GRIK2: variants seen among roughly 807,000 people sequenced by gnomAD.
GRIK2 encodes glutamate ionotropic receptor kainate type subunit 2, also known as glutamate receptor ionotropic, kainate 2.
In GRIK2, 32 loss-of-function variants were observed where a neutral mutation model predicts 100.3. That is an observed-to-expected ratio of 0.32 (90% CI 0.24 to 0.43). The LOEUF (loss-of-function observed/expected upper bound fraction) is 0.43. Ranked by LOEUF, GRIK2 falls within the 20% of genes least tolerant of loss-of-function variation. The probability of loss-of-function intolerance (pLI) is 1.00; values close to 1 mark genes in which losing one functional copy is unlikely to be tolerated. For synonymous variants in GRIK2, 417 were observed against 389.4 expected (o/e 1.07, Z -0.83); for missense variants, 843 against 1,114.9 (o/e 0.76, Z 3.47).
rs147308800 is a variant in GRIK2, at chr6:101,843,395, C to A, written c.1318-15892C>A. Among the ~76,000 whole-genome samples, 536 of 152,304 alleles carry A rather than the reference C, an allele frequency of 3.5e-3. 1 individual carries two copies. The highest frequency in any genetic ancestry group is 7.7e-3 in the South Asian group (37 of 4,834). On this transcript the variant is annotated intron_variant, in intron 10 of 16. Coordinates refer to ENST00000369134, the MANE Select transcript of GRIK2 (RefSeq NM_021956.5). ...AGTCCTACAGAACTATTTATACTTT[C>A]CATCATCCACATGAGTCATTTTCCC...
At chr6:101,628,747 A>G (rs933026525) in intron 4 of GRIK2, among the ~76,000 whole-genome samples, 9 of 152,106 alleles carry the variant, frequency 5.9e-5, no homozygotes, top group African/African-American at 2.2e-4. Flanking sequence ...TCCAAACATC[A>G]TATATCCTTA....
At chr6:101,502,308 T>A (rs966006076) in intron 2 of GRIK2, among the ~76,000 whole-genome samples, 3 of 152,082 alleles carry the variant, frequency 2.0e-5, no homozygotes, top group African/African-American at 7.2e-5. Flanking sequence ...AATGCATTGG[T>A]ACAAAAAGAT....
At chr6:101,647,074 A>T (rs1781560498) in intron 4 of GRIK2, among the ~76,000 whole-genome samples, 1 of 151,986 alleles carries the variant, frequency 6.6e-6, no homozygotes, top group African/African-American at 2.4e-5. Context: ...GTAAAATCTG[A>T]GTCTTAAAGA....
chr6:101,890,142 T>C (rs779656751), intron 12 of GRIK2: 39 of 256,324 alleles, frequency 1.5e-4, no homozygotes, highest in Non-Finnish European at 2.6e-4. Flanking sequence ...ATATGATAAA[T>C]GAATCATTGC....
intron 7 of GRIK2, among the ~76,000 whole-genome samples, chr6:101,690,324 G>C (rs868147802): frequency 1.3e-5 from 2 of 151,806 alleles, no homozygotes; most frequent in Admixed American, 6.6e-5. Flanking sequence ...ATATCATTTG[G>C]GTTTCTATAG....
intron 7 of GRIK2, among the ~76,000 whole-genome samples, chr6:101,782,857 C>CTTTT (rs1158965622): frequency 4.6e-5 from 6 of 130,818 alleles, no homozygotes; most frequent in Non-Finnish European, 6.5e-5. Context: ...ACTCAAATCT[C>CTTTT]TTTTTTTTTT....
At chr6:101,501,132 C>T (rs2128273514) in intron 2 of GRIK2, among the ~76,000 whole-genome samples, 1 of 152,112 alleles carries the variant, frequency 6.6e-6, no homozygotes, top group African/African-American at 2.4e-5. Flanking sequence ...GAACCATCTA[C>T]AACAAAATAA....
chr6:101,715,326 C>T (rs566195459), intron 7 of GRIK2, among the ~76,000 whole-genome samples: 2 of 151,826 alleles, frequency 1.3e-5, no homozygotes, highest in South Asian at 2.1e-4. Flanking sequence ...AGATACAGGA[C>T]ATGATAGGGA....
At chr6:101,804,148 A>C (rs2128415396) in intron 9 of GRIK2, among the ~76,000 whole-genome samples, 1 of 152,088 alleles carries the variant, frequency 6.6e-6, no homozygotes, top group South Asian at 2.1e-4. Flanking sequence ...CAAGAGTCAT[A>C]GTCAATTGAG....
At chr6:102,032,030 TAAC>T (rs1280429167) in intron 14 of GRIK2, among the ~76,000 whole-genome samples, 2 of 151,326 alleles carry the variant, frequency 1.3e-5, no homozygotes, top group Admixed American at 6.6e-5. Flanking sequence ...AAAGAGCTTT[TAAC>T]AACAATTGGG....
At position 101,543,012 on chromosome 6, in the gene GRIK2, G is replaced by T. The variant is rs1776078564; in HGVS notation, c.116-78937G>T. Among the ~76,000 whole-genome samples, 4 of 152,130 alleles carry T rather than the reference G, an allele frequency of 2.6e-5. No homozygotes were observed. The South Asian group carries it at 8.3e-4, about 32-fold the overall frequency. On this transcript the variant is annotated intron_variant, in intron 2 of 16. Coordinates refer to ENST00000369134, the MANE Select transcript of GRIK2 (RefSeq NM_021956.5). ...TTAAGCAACACAAGGAAAAAATTTT[G>T]TTGTATAGAAAATTGGATTCTTTCC...
At chr6:101,424,051 A>G (rs1683795106) in intron 2 of GRIK2, among the ~76,000 whole-genome samples, 3 of 152,138 alleles carry the variant, frequency 2.0e-5, no homozygotes, top group Admixed American at 1.3e-4. Context: ...TGGAAAATAT[A>G]TGTATTTGGG....
chr6:101,755,364 C>T (rs1462676573), intron 7 of GRIK2, among the ~76,000 whole-genome samples: 1 of 151,960 alleles, frequency 6.6e-6, no homozygotes, highest in Non-Finnish European at 1.5e-5. Context: ...GATGGGGTTT[C>T]ACCATGTTAA....
intron 7 of GRIK2, among the ~76,000 whole-genome samples, chr6:101,744,099 C>T (rs932158520): frequency 3.3e-5 from 5 of 152,078 alleles, no homozygotes; most frequent in East Asian, 2.0e-4. Context: ...CCCGCCACCA[C>T]GCCCGGCTAA....
intron 2 of GRIK2, chr6:101,430,644 T>A (rs1769327091): frequency 6.0e-6 from 1 of 166,904 alleles, no homozygotes; most frequent in Admixed American, 6.2e-5. Flanking sequence ...CCACACTTCA[T>A]GACAGAGTTG....
chr6:101,472,936 C>G (rs961104808), intron 2 of GRIK2, among the ~76,000 whole-genome samples: 4 of 151,630 alleles, frequency 2.6e-5, no homozygotes, highest in African/African-American at 9.7e-5. Flanking sequence ...GGTTTGAAAA[C>G]TAAGGTCGAG....
chr6:101,966,207 C>T (rs1792663416), intron 14 of GRIK2, among the ~76,000 whole-genome samples: 1 of 151,954 alleles, frequency 6.6e-6, no homozygotes, highest in South Asian at 2.1e-4. Context: ...AAACAATGTA[C>T]TTTGTATTTT....
chr6:101,591,842 A>G (rs1030185932), intron 2 of GRIK2, among the ~76,000 whole-genome samples: 1 of 152,012 alleles, frequency 6.6e-6, no homozygotes, highest in Non-Finnish European at 1.5e-5. Context: ...TTTTAGTCAG[A>G]GATTATATTC....
intron 7 of GRIK2, among the ~76,000 whole-genome samples, chr6:101,793,161 C>T (rs1780014477): frequency 1.3e-5 from 2 of 152,116 alleles, no homozygotes; most frequent in South Asian, 2.1e-4. Flanking sequence ...GAATTTCCTC[C>T]TGTAGCTCGG....
Sources: allele counts gnomAD v4.1 joint callset (sites outside exome capture counted in the v4.1 genomes callset), GRCh38; gene constraint gnomAD v4.1.1; transcripts MANE v1.5; gene names NCBI Gene and HGNC (gene_info 2026-07-23, HGNC 2026-07-21).